CAMTA1: variants seen among roughly 807,000 people sequenced by gnomAD.
The protein encoded by CAMTA1 is calmodulin-binding transcription activator 1.
Under a neutral mutation model 170.9 loss-of-function variants are expected in CAMTA1, and 27 were observed. The observed-to-expected ratio is 0.16, with a 90% CI of 0.12 to 0.22. The LOEUF (loss-of-function observed/expected upper bound fraction) is 0.22, where lower values mean the gene tolerates loss of function less well. Among genes scored for constraint, CAMTA1 ranks in the 10% least tolerant of loss-of-function variants. The pLI is 1.00. For missense variants in CAMTA1, 1,619 were observed against 2,217.2 expected, an observed-to-expected ratio of 0.73 and a Z score of 5.42; for synonymous variants, 833 against 891.5, an observed-to-expected ratio of 0.93 and a Z score of 1.17.
chr1:7,201,516 AG>A (rs1477602467), intron 4 of CAMTA1, among the ~76,000 whole-genome samples: 6 of 152,114 alleles, frequency 3.9e-5, no homozygotes, highest in South Asian at 2.1e-4. Flanking sequence ...GCAGGGTATG[AG>A]GGTTCCAGTT....
chr1:7,559,936 T>C lies in CAMTA1; in HGVS notation c.511-80464T>C, dbSNP rs143542732. On this transcript the variant is annotated intron_variant, in intron 6 of 22. Transcript: ENST00000303635. ...AGTTTCCGGAACCTGTCTGGGTTCTTGGATGAGAGCTTGGTTCTCTGCTGT... is the reference window on the plus strand; with the variant it reads ...AGTTTCCGGAACCTGTCTGGGTTCTCGGATGAGAGCTTGGTTCTCTGCTGT... 5.1e-3 allele frequency among the ~76,000 whole-genome samples: 782 copies of C among 152,306 alleles called. 8 individuals carry two copies. Among genetic ancestry groups the C allele is most frequent in the African/African-American group, 0.018 (738 of 41,574 alleles).
intron 5 of CAMTA1, among the ~76,000 whole-genome samples, chr1:7,339,032 G>A (rs1022883519): frequency 7.9e-5 from 12 of 152,046 alleles, no homozygotes; most frequent in African/African-American, 2.9e-4. Flanking sequence ...AACTGGATGT[G>A]GTGAGAACTC....
At chr1:7,142,007 T>C in intron 4 of CAMTA1, 2 of 478,486 alleles carry the variant, frequency 4.2e-6, no homozygotes, top group Admixed American at 2.0e-5. Context: ...TTTTTCCTGA[T>C]GTCTTGGCTG....
chr1:7,647,676 C>T (rs1226336100), intron 7 of CAMTA1, among the ~76,000 whole-genome samples: 2 of 152,192 alleles, frequency 1.3e-5, no homozygotes, highest in Admixed American at 6.5e-5. Context: ...CCAGCTCAGT[C>T]GATCCTGATC....
intron 3 of CAMTA1, among the ~76,000 whole-genome samples, chr1:7,087,967 C>T (rs1309684718): frequency 1.3e-5 from 2 of 152,234 alleles, no homozygotes; most frequent in African/African-American, 4.8e-5. Flanking sequence ...AGGGCGGGCT[C>T]ACCTGTGGTC....
At chr1:7,415,972 C>T (rs975486578) in intron 5 of CAMTA1, among the ~76,000 whole-genome samples, 1 of 152,190 alleles carries the variant, frequency 6.6e-6, no homozygotes, top group African/African-American at 2.4e-5. Flanking sequence ...CAAAATCTCT[C>T]AGCGTTTGCT....
At chr1:7,182,214 T>C (rs1652315234) in intron 4 of CAMTA1, among the ~76,000 whole-genome samples, 1 of 151,964 alleles carries the variant, frequency 6.6e-6, no homozygotes, top group Non-Finnish European at 1.5e-5. Context: ...TCCAAATGGA[T>C]TGAGATCTAA....
intron 11 of CAMTA1, among the ~76,000 whole-genome samples, chr1:7,729,361 C>G (rs1238545347): frequency 6.6e-6 from 1 of 152,192 alleles, no homozygotes; most frequent in Non-Finnish European, 1.5e-5. Context: ...CTCAAGTGAT[C>G]TGTCTCAGCC....
intron 5 of CAMTA1, among the ~76,000 whole-genome samples, chr1:7,264,444 T>C (rs917540249): frequency 6.6e-6 from 1 of 152,212 alleles, no homozygotes; most frequent in Non-Finnish European, 1.5e-5. Context: ...TCAAGGACCT[T>C]GGTCAGACTC....
At chr1:7,382,086 C>A (rs1206986943) in intron 5 of CAMTA1, among the ~76,000 whole-genome samples, 1 of 152,198 alleles carries the variant, frequency 6.6e-6, no homozygotes, top group East Asian at 1.9e-4. Context: ...GCATTCCAGC[C>A]AGCAGGAAAG....
intron 3 of CAMTA1, among the ~76,000 whole-genome samples, chr1:6,914,138 CT>C (rs200239693): frequency 0.13 from 14,928 of 116,848 alleles, 1,211 homozygotes; most frequent in Admixed American, 0.33. Flanking sequence ...GAGTTTTGCT[CT>C]TTTTGCCCAG....
At chr1:7,256,696 A>T (rs1476743240) in intron 5 of CAMTA1, among the ~76,000 whole-genome samples, 2 of 152,212 alleles carry the variant, frequency 1.3e-5, no homozygotes, top group Non-Finnish European at 2.9e-5. Context: ...ACAAAAGATC[A>T]TAGACTGGGT....
At chr1:6,863,080 T>C (rs968592684) in intron 3 of CAMTA1, among the ~76,000 whole-genome samples, 1 of 152,222 alleles carries the variant, frequency 6.6e-6, no homozygotes, top group Non-Finnish European at 1.5e-5. Context: ...ATTTGATGTG[T>C]GTGTACATTG....
intron 6 of CAMTA1, among the ~76,000 whole-genome samples, chr1:7,500,707 G>A (rs1335511552): frequency 6.6e-6 from 1 of 152,156 alleles, no homozygotes; most frequent in Non-Finnish European, 1.5e-5. Flanking sequence ...AGTCAGAGGC[G>A]TGGGCTGGCT....
At chr1:7,170,367 A>T (rs1211526935) in intron 4 of CAMTA1, among the ~76,000 whole-genome samples, 1 of 151,000 alleles carries the variant, frequency 6.6e-6, no homozygotes, top group Non-Finnish European at 1.5e-5. Flanking sequence ...TTACATAGGT[A>T]TACATGTTCC....
At chr1:7,533,946 G>A (rs184892904) in intron 6 of CAMTA1, among the ~76,000 whole-genome samples, 2 of 151,932 alleles carry the variant, frequency 1.3e-5, no homozygotes, top group South Asian at 2.1e-4. Context: ...AAAAGAAAAC[G>A]TCCAGGCTTC....
chr1:7,187,747 T>C (rs1341903333), intron 4 of CAMTA1, among the ~76,000 whole-genome samples: 1 of 152,178 alleles, frequency 6.6e-6, no homozygotes, highest in Non-Finnish European at 1.5e-5. Flanking sequence ...TGATGATTTG[T>C]TTACCCACCC....
chr1:7,259,564 C>G (rs200618621), intron 5 of CAMTA1, among the ~76,000 whole-genome samples: 1 of 152,234 alleles, frequency 6.6e-6, no homozygotes, highest in African/African-American at 2.4e-5. Flanking sequence ...AGGGTCCTGC[C>G]TCAGTGCCTT....
At chr1:7,304,587 G>A (rs1574548453) in intron 5 of CAMTA1, among the ~76,000 whole-genome samples, 1 of 141,480 alleles carries the variant, frequency 7.1e-6, no homozygotes, top group African/African-American at 2.5e-5. Context: ...AAAACATTGT[G>A]TTATCAAAGC....
Sources: gnomAD v4.1 joint callset for allele counts (sites outside exome capture counted in the v4.1 genomes callset) on GRCh38, gnomAD v4.1.1 for gene constraint, MANE v1.5 for transcripts, NCBI Gene and HGNC (gene_info 2026-07-23, HGNC 2026-07-21) for gene names.